The following PARP14 variants were observed in gnomAD, a reference collection of about 807,000 sequenced individuals.
PARP14 encodes the protein protein mono-ADP-ribosyltransferase PARP14.
PARP14 carries 59 observed loss-of-function variants against 154.2 expected under a neutral mutation model. The observed-to-expected ratio is 0.38, with a 90% CI of 0.31 to 0.48. The LOEUF (loss-of-function observed/expected upper bound fraction) is 0.48, where lower values mean the gene tolerates loss of function less well. PARP14 is among the 20% of genes least tolerant of loss of function. The pLI, the probability that PARP14 is intolerant of heterozygous loss-of-function variation, is 0.98. For missense variants in PARP14, 1,734 were observed against 2,131.6 expected (o/e 0.81, Z 3.67); for synonymous variants, 720 against 780.5 (o/e 0.92, Z 1.29).
At position 122,702,993 on chromosome 3, in the gene PARP14, T is replaced by TA. The variant is rs10707029; in HGVS notation, c.3082-732dup. Among the ~76,000 whole-genome samples, 795 of 83,844 alleles carry TA rather than the reference T, an allele frequency of 9.5e-3. 7 individuals carry two copies. Among genetic ancestry groups the TA allele is most frequent in the Middle Eastern group, 0.022 (3 of 136 alleles). The allele number at this position is 83,844 out of a possible 152,430, so 55.0% of individuals were successfully genotyped here. The stretch of plus-strand genomic sequence containing the variant: ...GTGGACAGAGCAAGACCCTCTCTCT[T>TA]AAAAAAAAAAAAAAAAACAAAAAAA... On this transcript the variant is annotated intron_variant, in intron 6 of 16. Transcript: ENST00000474629.
chr3:122,707,205 G>T (rs1244158067), intron 8 of PARP14, among the ~76,000 whole-genome samples: 1 of 152,024 alleles, frequency 6.6e-6, no homozygotes, highest in Non-Finnish European at 1.5e-5. Flanking sequence ...GATCACCTGA[G>T]GTCAGGAGAA....
chr3:122,698,618 G>C (rs930696236), intron 5 of PARP14, among the ~76,000 whole-genome samples: 42 of 152,290 alleles, frequency 2.8e-4, no homozygotes, highest in Admixed American at 3.3e-4. Flanking sequence ...CCCTATCCAA[G>C]TTATCTAACC....
intron 8 of PARP14, among the ~76,000 whole-genome samples, chr3:122,706,316 C>CA (rs1364837145): frequency 1.6e-4 from 24 of 151,960 alleles, no homozygotes; most frequent in Non-Finnish European, 2.9e-4. Context: ...TACATTTGCA[C>CA]AAAAAAATCA....
chr3:122,692,317 G>A lies in PARP14; in HGVS notation c.372G>A (p.Leu124=). Residue 124 remains leucine, a synonymous_variant, in exon 4 of 17, where the codon TTG becomes TTA. Transcript: ENST00000474629. ...DVKEPDVSEE[L]DTKLPLDGGL... ...TAAAATCAGATGTGTCAGAAGAATT[G>A]GATACAAAACTCCCTCTTGATGGTG... 1.2e-6 allele frequency: 2 copies of A among 1,611,198 alleles called. No homozygotes were observed. The highest frequency in any genetic ancestry group is 1.7e-6 in the Non-Finnish European group (2 of 1,177,684).
chr3:122,700,107 A>G lies in PARP14; in HGVS notation c.1553A>G (p.Tyr518Cys). ...LCLKGPSADV[Y>C]KAKCEIQEKV... ...TTGAAAGGACCTAGTGCAGATGTGT[A>G]TAAAGCAAAGTGTGAAATCCAGGAA... The change falls in exon 6 of 17, where the codon TAT (tyrosine) becomes TGT (cysteine). Residue 518 changes from tyrosine (Y) to cysteine (C), a missense_variant. Physicochemically the swap from Tyr to Cys is radical, Grantham distance 194. Around this residue, in one of 2 missense-constraint regions of PARP14, gnomAD observed 1,646 missense variants for 1,976.0 expected, o/e 0.83. Transcript: ENST00000474629. The G allele has an allele frequency of 6.2e-7, 1 of 1,613,816 alleles. No homozygotes were observed. Among genetic ancestry groups the G allele is most frequent in the Non-Finnish European group, 8.5e-7 (1 of 1,179,740 alleles).
At chr3:122,709,914 T>C (rs1939270455) in intron 9 of PARP14, among the ~76,000 whole-genome samples, 1 of 151,974 alleles carries the variant, frequency 6.6e-6, no homozygotes, top group Non-Finnish European at 1.5e-5. Flanking sequence ...GTTTGTTTGT[T>C]TGTTTTTTCT....
At chr3:122,686,710 T>C in intron 2 of PARP14, 1 of 183,942 alleles carries the variant, frequency 5.4e-6, no homozygotes, top group East Asian at 1.6e-4. Flanking sequence ...CAAGCGATCC[T>C]CCCACACTGG....
intron 2 of PARP14, among the ~76,000 whole-genome samples, chr3:122,686,566 C>G (rs751769674): frequency 6.6e-6 from 1 of 152,166 alleles, no homozygotes; most frequent in South Asian, 2.1e-4. Context: ...TCAAGTGATC[C>G]TCCTGCCTCA....
rs758656505 is a variant in PARP14, at chr3:122,701,429, C to G, written c.2875C>G (p.Leu959Val). The change falls in exon 6 of 17, where the codon CTT becomes GTT. Residue 959 changes from leucine (L) to valine (V), a missense_variant. Transcript: ENST00000474629. The surrounding 1 kb of genome is among the most constrained non-coding windows in gnomAD (Gnocchi z 4.0). The stretch of plus-strand genomic sequence containing the variant: ...TGGACACTGCTTGAAAGAAATCTAC[C>G]TTGTGGATGTATCTGAGAAGACTGT... ...KDGHCLKEIY[L>V]VDVSEKTVEA... 6 of 1,613,956 alleles carry G rather than the reference C, an allele frequency of 3.7e-6. No homozygotes were observed. In the Admixed American group the frequency reaches 1.0e-4, roughly 27 times the overall value.
At chr3:122,686,450 C>A (rs146335446) in intron 2 of PARP14, among the ~76,000 whole-genome samples, 1 of 150,978 alleles carries the variant, frequency 6.6e-6, no homozygotes, top group Non-Finnish European at 1.5e-5. Flanking sequence ...CCACCACACC[C>A]GTCCTTAATT....
chr3:122,728,431 T>A lies in PARP14; in HGVS notation c.5240T>A (p.Ile1747Asn), dbSNP rs908927651. The A allele has an allele frequency of 5.6e-6, 9 of 1,613,938 alleles. No individual in the cohort carries two copies. Among genetic ancestry groups the A allele is most frequent in the Non-Finnish European group, 6.8e-6 (8 of 1,179,840 alleles). The change falls in exon 17 of 17, where the codon ATC becomes AAC. Residue 1747 changes from isoleucine (I) to asparagine (N), a missense_variant. This residue lies in a region of PARP14 where 88 missense variants were observed against 155.6 expected (regional missense o/e 0.57). Coordinates refer to ENST00000474629, the MANE Select transcript of PARP14 (RefSeq NM_017554.3). ...TATTATGTGCGAGTACTTACTGGAA[T>A]CTATACACATGGAAATCATTCATTA... ...HVYYVRVLTGIYTHGNHSLIV... is the reference protein window; with the variant it reads ...HVYYVRVLTGNYTHGNHSLIV...
intron 3 of PARP14, 102 bp downstream of exon 3, chr3:122,687,215 T>C (rs1247429785): frequency 1.2e-5 from 9 of 777,616 alleles, no homozygotes; most frequent in East Asian, 2.7e-5. Flanking sequence ...ACTTCCACTA[T>C]GCAGGATGTG....
At chr3:122,717,306 A>G (rs1207888285) in intron 12 of PARP14, among the ~76,000 whole-genome samples, 2 of 152,170 alleles carry the variant, frequency 1.3e-5, no homozygotes, top group South Asian at 2.1e-4. Context: ...TGTTATTCAC[A>G]TGGGACTGTT....
At chr3:122,720,478 C>A in intron 15 of PARP14, 90 bp downstream of exon 15, 1 of 1,246,528 alleles carries the variant, frequency 8.0e-7, no homozygotes. Flanking sequence ...CACTTCCTAT[C>A]ACATTTTTTT....
In PARP14 at chr3:122,701,623, G is replaced by GCAGAATGCTAAGGTGAGTGTCGCTTTTA; in HGVS notation, c.3075_3081+21dup. On this transcript the variant is annotated frameshift_variant, in exon 6 of 17. Coordinates refer to ENST00000474629, the MANE Select transcript of PARP14 (RefSeq NM_017554.3). LOFTEE classifies it high-confidence loss of function. This position sits in a 1 kb window ranked among gnomAD's most constrained non-coding sequence, Gnocchi z 4.0. ...AGATGCTGTTGGTGAAAGAGGGTGTGCAGAATGCTAAGGTGAGTGTCGCTT... is the reference window on the plus strand; with the variant it reads ...AGATGCTGTTGGTGAAAGAGGGTGTGCAGAATGCTAAGGTGAGTGTCGCTTTTACAGAATGCTAAGGTGAGTGTCGCTT... 6.3e-7 allele frequency: 1 copy of GCAGAATGCTAAGGTGAGTGTCGCTTTTA among 1,593,310 alleles called. No individual in the cohort carries two copies. Among genetic ancestry groups the GCAGAATGCTAAGGTGAGTGTCGCTTTTA allele is most frequent in the Non-Finnish European group, 8.6e-7 (1 of 1,169,524 alleles).
chr3:122,709,892 GT>G lies in PARP14; in HGVS notation c.3619+1635del, dbSNP rs146839683. Among the ~76,000 whole-genome samples the G allele has an allele frequency of 1.9e-3, 281 of 145,666 alleles. 3 individuals carry two copies. Among genetic ancestry groups the G allele is most frequent in the African/African-American group, 5.2e-3 (208 of 39,652 alleles). On this transcript the variant is annotated intron_variant, in intron 9 of 16. Transcript: ENST00000474629. ...TGCTGACTTTTTGATGGGATTATTT[GT>G]TTTTTTTTTTGTTTGTTTGTTTGTT...
intron 3 of PARP14, 36 bp from the exon 4 acceptor site, chr3:122,692,265 T>C: frequency 6.3e-7 from 1 of 1,582,436 alleles, no homozygotes; most frequent in Non-Finnish European, 8.6e-7. Context: ...TAGATAAGTA[T>C]AACATCTTGT....
At chr3:122,697,682 G>A (rs1328883395) in intron 5 of PARP14, among the ~76,000 whole-genome samples, 1 of 152,132 alleles carries the variant, frequency 6.6e-6, no homozygotes, top group Non-Finnish European at 1.5e-5. Context: ...AAATTATTTG[G>A]TTCAACTTCA....
chr3:122,680,863 C>T lies in PARP14; in HGVS notation c.-21C>T. The T allele has an allele frequency of 6.3e-7, 1 of 1,580,794 alleles. No homozygotes were observed. The highest frequency in any genetic ancestry group is 8.6e-7 in the Non-Finnish European group (1 of 1,162,832). On this transcript the variant is annotated 5_prime_UTR_variant, in exon 1 of 17. Coordinates refer to ENST00000474629, the MANE Select transcript of PARP14 (RefSeq NM_017554.3). ...CGGAGTTGGCGCGGCCCCTGCAGTC[C>T]GGCGGAGAGCGGAGCTGAGGATGGC...
Sources: gnomAD v4.1 joint callset for allele counts (sites outside exome capture counted in the v4.1 genomes callset) on GRCh38, gnomAD v4.1.1 for gene constraint, gnomAD v4.1.1 regional missense constraint, Gnocchi (gnomAD v3.1) non-coding constraint, MANE v1.5 for transcripts, NCBI Gene and HGNC (gene_info 2026-07-23, HGNC 2026-07-21) for gene names.